The following CLSTN2 variants were observed in gnomAD, a reference collection of about 807,000 sequenced individuals.
The protein encoded by CLSTN2 is calsyntenin 2.
In CLSTN2, 48 loss-of-function variants were observed where a neutral mutation model predicts 101.2. That is an observed-to-expected ratio of 0.47 (90% CI 0.38 to 0.60). CLSTN2 has a LOEUF of 0.60. Among genes scored for constraint, CLSTN2 ranks in the 20% least tolerant of loss-of-function variants. The pLI is 0.00. For synonymous variants in CLSTN2, 481 were observed against 463.6 expected, an observed-to-expected ratio of 1.04 and a Z score of -0.48; for missense variants, 1,160 against 1,238.2, an observed-to-expected ratio of 0.94 and a Z score of 0.95.
Position 140,479,377 on chromosome 3 carries a change from AC to A in CLSTN2, c.1344+12647del, listed in dbSNP as rs536398764. ...TGCAAGGTAATCATCCAGTAATTTA[AC>A]AAAAATCAACAATAACAGAATCCAG... On this transcript the variant is annotated intron_variant, in intron 8 of 16. Transcript: ENST00000458420. Among the ~76,000 whole-genome samples, 538 of 152,330 alleles carry A rather than the reference AC, an allele frequency of 3.5e-3. 2 individuals carry two copies. Among genetic ancestry groups the A allele is most frequent in the African/African-American group, 0.013 (522 of 41,580 alleles).
intron 8 of CLSTN2, among the ~76,000 whole-genome samples, chr3:140,492,899 G>A (rs537730826): frequency 6.6e-6 from 1 of 152,280 alleles, no homozygotes; most frequent in African/African-American, 2.4e-5. Context: ...GCAGGAGACA[G>A]GGGACTCCCA....
At chr3:140,513,246 G>C (rs1439732962) in intron 8 of CLSTN2, among the ~76,000 whole-genome samples, 1 of 152,168 alleles carries the variant, frequency 6.6e-6, no homozygotes, top group African/African-American at 2.4e-5. Context: ...CTGTGTGTTT[G>C]TCATAGATGG....
intron 2 of CLSTN2, among the ~76,000 whole-genome samples, chr3:140,340,957 G>C (rs985444228): frequency 6.6e-6 from 1 of 152,170 alleles, no homozygotes; most frequent in African/African-American, 2.4e-5. Context: ...TATGGGTTTT[G>C]AGGAGGAAGA....
intron 1 of CLSTN2, among the ~76,000 whole-genome samples, chr3:140,033,504 T>TG (rs1365112444): frequency 6.6e-6 from 1 of 152,156 alleles, no homozygotes. Flanking sequence ...ACATATTAAG[T>TG]GTGTGTGCAA....
At chr3:140,362,849 C>T (rs930080349) in intron 2 of CLSTN2, among the ~76,000 whole-genome samples, 1 of 151,928 alleles carries the variant, frequency 6.6e-6, no homozygotes, top group African/African-American at 2.4e-5. Context: ...TGTGAAGAAA[C>T]TATAACCTTT....
chr3:140,378,683 C>T (rs1358858633), intron 2 of CLSTN2, among the ~76,000 whole-genome samples: 1 of 152,174 alleles, frequency 6.6e-6, no homozygotes, highest in African/African-American at 2.4e-5. Context: ...TCTTTGGATC[C>T]TTGTACTCAG....
At chr3:140,266,388 A>G (rs2086694255) in intron 2 of CLSTN2, among the ~76,000 whole-genome samples, 1 of 152,224 alleles carries the variant, frequency 6.6e-6, no homozygotes, top group Admixed American at 6.5e-5. Flanking sequence ...ATAAGATAGT[A>G]GTGGTTGTCT....
At chr3:140,010,925 T>C (rs576490120) in intron 1 of CLSTN2, among the ~76,000 whole-genome samples, 1 of 152,310 alleles carries the variant, frequency 6.6e-6, no homozygotes, top group East Asian at 1.9e-4. Flanking sequence ...GGTAGTCCCT[T>C]TGTCTTTGTG....
At chr3:140,236,978 G>A (rs938557449) in intron 2 of CLSTN2, among the ~76,000 whole-genome samples, 9 of 151,696 alleles carry the variant, frequency 5.9e-5, no homozygotes, top group Non-Finnish European at 5.9e-5. Context: ...CATTATCTGT[G>A]TCACTTCTGG....
intron 2 of CLSTN2, among the ~76,000 whole-genome samples, chr3:140,368,367 A>G (rs1183021282): frequency 6.6e-6 from 1 of 152,136 alleles, no homozygotes; most frequent in African/African-American, 2.4e-5. Flanking sequence ...AGAGGAAGAA[A>G]AGGGAGTGAT....
intron 2 of CLSTN2, among the ~76,000 whole-genome samples, chr3:140,340,402 A>C (rs1370141397): frequency 6.6e-6 from 1 of 152,240 alleles, no homozygotes; most frequent in Non-Finnish European, 1.5e-5. Flanking sequence ...TGGGTTAAAA[A>C]ATACAAATAA....
chr3:140,408,532 A>T (rs1484670025), intron 4 of CLSTN2, among the ~76,000 whole-genome samples: 1 of 152,176 alleles, frequency 6.6e-6, no homozygotes, highest in Admixed American at 6.5e-5. Context: ...TACAGTGTTT[A>T]CCATTACGGA....
At chr3:140,035,757 CA>C (rs1272718650) in intron 1 of CLSTN2, among the ~76,000 whole-genome samples, 3 of 152,154 alleles carry the variant, frequency 2.0e-5, no homozygotes, top group Non-Finnish European at 4.4e-5. Flanking sequence ...GACTGAACAC[CA>C]AAAGTTTTAG....
chr3:140,556,530 G>T lies in CLSTN2; in HGVS notation c.1692G>T (p.Ser564=), dbSNP rs6773764. 6.2e-7 allele frequency: 1 copy of T among 1,613,868 alleles called. No individual in the cohort carries two copies. The change falls in exon 11 of 17, where the codon TCG becomes TCT. Residue 564 remains serine (S), a synonymous_variant. Transcript: ENST00000458420. ...TCTTCCAGTATCACTTCAACCCCTC[G>T]CAGTCCATCCTGGTGATGGAAGGTG... The part of the protein sequence containing the change: ...GQGIKYHFNP[S]QSILVMEGDD...
chr3:140,191,533 G>A (rs907064995), intron 2 of CLSTN2, among the ~76,000 whole-genome samples: 1 of 151,912 alleles, frequency 6.6e-6, no homozygotes, highest in African/African-American at 2.4e-5. Flanking sequence ...CCATGACAGT[G>A]CTTTTAGGGG....
chr3:140,400,052 G>A (rs1363945861), intron 2 of CLSTN2, among the ~76,000 whole-genome samples: 1 of 151,636 alleles, frequency 6.6e-6, no homozygotes, highest in Non-Finnish European at 1.5e-5. Context: ...AATACAGGAT[G>A]TAATGTGAAT....
In CLSTN2 at chr3:140,532,355, T is replaced by C. The variant is rs149764584; in HGVS notation, c.1376T>C (p.Ile459Thr). ...ICDKEWHYYV[I>T]NVEFPVVTLY... Reference sequence around the variant, plus strand: ...GACAAAGAGTGGCACTACTATGTCATCAATGTGGAGTTTCCTGTGGTAACC... The same window carrying C: ...GACAAAGAGTGGCACTACTATGTCACCAATGTGGAGTTTCCTGTGGTAACC... The change falls in exon 9 of 17, where the codon ATC (isoleucine) becomes ACC (threonine). Residue 459 changes from isoleucine (I) to threonine (T), a missense_variant. Ile to Thr is a moderately conservative substitution (Grantham distance 89). Coordinates refer to ENST00000458420, the MANE Select transcript of CLSTN2 (RefSeq NM_022131.3). The C allele has an allele frequency of 9.3e-6, 15 of 1,610,882 alleles. No individual in the cohort carries two copies. The African/African-American group carries it at 1.9e-4, about 20-fold the overall frequency.
chr3:140,511,301 C>T (rs1181906127), intron 8 of CLSTN2, among the ~76,000 whole-genome samples: 1 of 152,118 alleles, frequency 6.6e-6, no homozygotes, highest in Non-Finnish European at 1.5e-5. Context: ...CATGTCTTTG[C>T]TATTGTGAAT....
rs540633917 is a variant in CLSTN2, at chr3:140,032,480, G to A, written c.109+96997G>A. On this transcript the variant is annotated intron_variant, in intron 1 of 16. Coordinates refer to ENST00000458420, the MANE Select transcript of CLSTN2 (RefSeq NM_022131.3). ...GCCTCCTCAGTAGCTGGGATTACAG[G>A]TGCCAGCCACCACATCTGGCTAATT... is the stretch of plus-strand genomic sequence containing the variant. 5.9e-5 allele frequency among the ~76,000 whole-genome samples: 9 copies of A among 152,206 alleles called. 1 individual carries two copies. The highest frequency in any genetic ancestry group is 2.1e-4 in the South Asian group (1 of 4,830).
Sources: gnomAD v4.1 joint callset for allele counts (sites outside exome capture counted in the v4.1 genomes callset) on GRCh38, gnomAD v4.1.1 for gene constraint, MANE v1.5 for transcripts, NCBI Gene and HGNC (gene_info 2026-07-23, HGNC 2026-07-21) for gene names.